Variants in MAGI2 observed in about 807,000 individuals in gnomAD.
MAGI2 encodes membrane-associated guanylate kinase, WW and PDZ domain-containing protein 2.
Under a neutral mutation model 133.3 loss-of-function variants are expected in MAGI2, and 35 were observed. The ratio of observed to expected loss-of-function variants is 0.26; its 90% CI spans 0.20 to 0.35. The LOEUF (loss-of-function observed/expected upper bound fraction) is 0.35, where lower values mean the gene tolerates loss of function less well. MAGI2 is among the 10% of genes least tolerant of loss of function. MAGI2 has a pLI of 1.00. For missense variants in MAGI2, 1,636 were observed against 1,863.4 expected (o/e 0.88, Z 2.25); for synonymous variants, 729 against 710.6 (o/e 1.03, Z -0.41).
chr7:78,571,145 A>C (rs1801456431), intron 3 of MAGI2, among the ~76,000 whole-genome samples: 1 of 152,150 alleles, frequency 6.6e-6, no homozygotes, highest in Non-Finnish European at 1.5e-5. Context: ...TGTGTATTGG[A>C]ATTATCATCA....
chr7:78,091,563 C>A (rs1333884254), intron 20 of MAGI2, among the ~76,000 whole-genome samples: 1 of 152,272 alleles, frequency 6.6e-6, no homozygotes, highest in South Asian at 2.1e-4. Context: ...CTTTTTATCT[C>A]TGGTTTCTCT....
intron 1 of MAGI2, among the ~76,000 whole-genome samples, chr7:79,368,052 T>G (rs780735135): frequency 3.3e-5 from 5 of 151,592 alleles, no homozygotes; most frequent in Non-Finnish European, 5.9e-5. Flanking sequence ...CCTGAAACTT[T>G]GCAAATCAGG....
Position 78,737,054 on chromosome 7 carries a change from T to G in MAGI2, c.419-109815A>C, listed in dbSNP as rs140306157. 6.5e-4 allele frequency among the ~76,000 whole-genome samples: 99 copies of G among 152,308 alleles called. No homozygotes were observed. In the East Asian group the frequency reaches 9.9e-3, roughly 15 times the overall value. The stretch of plus-strand genomic sequence containing the variant: ...ACTATGGCTATTCAGACTTGAGTAT[T>G]TGGCAGACATTTTCTTGAAGATAAA... On this transcript the variant is annotated intron_variant, in intron 2 of 21. Coordinates refer to ENST00000354212, the MANE Select transcript of MAGI2 (RefSeq NM_012301.4).
intron 1 of MAGI2, among the ~76,000 whole-genome samples, chr7:79,357,123 T>C (rs1341159451): frequency 2.0e-5 from 3 of 152,340 alleles, no homozygotes; most frequent in Middle Eastern, 3.4e-3. Context: ...CTTGTTTAAC[T>C]GTTCAAACAG....
chr7:78,549,292 A>C (rs1189311544), intron 3 of MAGI2, among the ~76,000 whole-genome samples: 1 of 152,122 alleles, frequency 6.6e-6, no homozygotes, highest in Non-Finnish European at 1.5e-5. Context: ...ACAGAACGCC[A>C]ACTTCAGACA....
chr7:79,356,886 C>T (rs558075291), intron 1 of MAGI2, among the ~76,000 whole-genome samples: 1 of 152,224 alleles, frequency 6.6e-6, no homozygotes, highest in East Asian at 1.9e-4. Flanking sequence ...AATACTCATT[C>T]TCTAGGTCCA....
At chr7:78,117,264 T>C (rs777632625) in intron 20 of MAGI2, among the ~76,000 whole-genome samples, 4 of 152,020 alleles carry the variant, frequency 2.6e-5, no homozygotes, top group Non-Finnish European at 5.9e-5. Flanking sequence ...CTCAATAACA[T>C]AGATATAAAA....
At chr7:79,327,470 G>A (rs961429978) in intron 1 of MAGI2, among the ~76,000 whole-genome samples, 2 of 152,082 alleles carry the variant, frequency 1.3e-5, no homozygotes, top group African/African-American at 4.8e-5. Flanking sequence ...ACCTGGTAAA[G>A]GGAAATCCTG....
intron 6 of MAGI2, among the ~76,000 whole-genome samples, chr7:78,472,544 T>C (rs1481266130): frequency 6.6e-6 from 1 of 152,086 alleles, no homozygotes; most frequent in Admixed American, 6.6e-5. Context: ...AAGCTAAGCA[T>C]TTAATAAGTT....
In MAGI2 at chr7:78,089,545, T is replaced by A. The variant is rs732976; in HGVS notation, c.3568-10460A>T. On this transcript the variant is annotated intron_variant, in intron 20 of 21. Transcript: ENST00000354212. ...CTAGCTCAAATCCTATTGGAGAAAC[T>A]TTTTGGAAACCTTTATTTGTTTTAA... Among the ~76,000 whole-genome samples, 444 of 152,302 alleles carry A rather than the reference T, an allele frequency of 2.9e-3. 2 individuals are homozygous for A. The highest frequency in any genetic ancestry group is 0.01 in the African/African-American group (420 of 41,576).
chr7:78,710,255 G>T (rs1819051014), intron 2 of MAGI2, among the ~76,000 whole-genome samples: 1 of 152,050 alleles, frequency 6.6e-6, no homozygotes, highest in African/African-American at 2.4e-5. Context: ...AATTCACACA[G>T]CTAGATAACC....
intron 2 of MAGI2, among the ~76,000 whole-genome samples, chr7:78,795,645 A>AG (rs935853443): frequency 1.3e-4 from 19 of 151,742 alleles, no homozygotes; most frequent in African/African-American, 4.1e-4. Context: ...AGAAATATAA[A>AG]AAAAATCCTA....
chr7:78,835,233 G>A lies in MAGI2; in HGVS notation c.418+171857C>T, dbSNP rs558750538. ...GTTTCCAATTTCTCCAAATCCTCAC[G>A]AACATTTATTATTGTCTGTCTTTTT... On this transcript the variant is annotated intron_variant, in intron 2 of 21. Transcript: ENST00000354212. Among the ~76,000 whole-genome samples, 22 of 152,170 alleles carry A rather than the reference G, an allele frequency of 1.4e-4. No individual in the cohort carries two copies. The South Asian group carries it at 2.5e-3, about 17-fold the overall frequency.
In MAGI2 at chr7:78,493,432, C is replaced by T. The variant is rs566014389; in HGVS notation, c.966-3592G>A. On this transcript the variant is annotated intron_variant, in intron 5 of 21. Transcript: ENST00000354212. ...CGATTGTCTACTGTGTCAGGGAAAGCAGCAGGACTTTCAGATATGTCCCCT... is the reference window on the plus strand; with the variant it reads ...CGATTGTCTACTGTGTCAGGGAAAGTAGCAGGACTTTCAGATATGTCCCCT... Among the ~76,000 whole-genome samples, 5 of 152,282 alleles carry T rather than the reference C, an allele frequency of 3.3e-5. No homozygotes were observed. The South Asian group carries it at 1.0e-3, about 32-fold the overall frequency.
At position 78,557,097 on chromosome 7, in the gene MAGI2, A is replaced by AAAAAAAAAAAAAAAAAAAAAAGAAAG. The variant is rs1554473311; in HGVS notation, c.539-35453_539-35452insCTTTCTTTTTTTTTTTTTTTTTTTTT. On this transcript the variant is annotated intron_variant, in intron 3 of 21. Coordinates refer to ENST00000354212, the MANE Select transcript of MAGI2 (RefSeq NM_012301.4). ...CAGAGTCTCAAAAAAAAAAAAAAAA[A>AAAAAAAAAAAAAAAAAAAAAAGAAAG]AAAGAAAAAGAAAAAAAAAGAATTT... Among the ~76,000 whole-genome samples the AAAAAAAAAAAAAAAAAAAAAAGAAAG allele has an allele frequency of 5.1e-4, 71 of 138,960 alleles. 2 individuals carry two copies. Among genetic ancestry groups the AAAAAAAAAAAAAAAAAAAAAAGAAAG allele is most frequent in the African/African-American group, 2.0e-3 (66 of 33,572 alleles). 91.2% of individuals were successfully genotyped at this position (138,960 alleles called of 152,430 possible).
chr7:78,823,970 A>G (rs553294420), intron 2 of MAGI2, among the ~76,000 whole-genome samples: 508 of 152,198 alleles, frequency 3.3e-3, no homozygotes, highest in African/African-American at 0.012. Context: ...ATACATAAAG[A>G]CTAAGTTCCT....
intron 1 of MAGI2, among the ~76,000 whole-genome samples, chr7:79,447,831 T>G (rs1638441184): frequency 6.6e-6 from 1 of 151,960 alleles, no homozygotes; most frequent in African/African-American, 2.4e-5. Flanking sequence ...AGTATTATTT[T>G]TGCTGAATTT....
chr7:78,231,877 G>A (rs143405774), intron 10 of MAGI2, among the ~76,000 whole-genome samples: 164 of 152,290 alleles, frequency 1.1e-3, no homozygotes, highest in African/African-American at 3.6e-3. Flanking sequence ...TAAGCCTGCA[G>A]TGTAGTTCTT....
intron 1 of MAGI2, among the ~76,000 whole-genome samples, chr7:79,068,110 C>T (rs1814557450): frequency 6.6e-6 from 1 of 152,110 alleles, no homozygotes; most frequent in African/African-American, 2.4e-5. Flanking sequence ...CAGGATGATG[C>T]TGGCCTCATA....
Sources: gnomAD v4.1 joint callset for allele counts (sites outside exome capture counted in the v4.1 genomes callset) on GRCh38, gnomAD v4.1.1 for gene constraint, MANE v1.5 for transcripts, NCBI Gene and HGNC (gene_info 2026-07-23, HGNC 2026-07-21) for gene names.